TNNI3K: variants seen among roughly 807,000 people sequenced by gnomAD.
TNNI3K encodes the protein TNNI3 interacting kinase.
A neutral mutation model predicts 114.5 loss-of-function variants in TNNI3K; 140 were observed. The observed-to-expected ratio is 1.22, with a 90% CI of 1.07 to 1.41. The LOEUF (loss-of-function observed/expected upper bound fraction) is 1.41, where lower values mean the gene tolerates loss of function less well. Ranked by LOEUF, TNNI3K falls within the 40% of genes most tolerant of loss-of-function variation. The probability of loss-of-function intolerance (pLI) is 0.00; values close to 1 mark genes in which losing one functional copy is unlikely to be tolerated. For missense variants in TNNI3K, 1,125 were observed against 1,007.6 expected (o/e 1.12, Z -1.58); for synonymous variants, 347 against 347.5 (o/e 1.00, Z 0.02).
At chr1:74,520,246 T>C (rs1323873105) in intron 23 of TNNI3K, among the ~76,000 whole-genome samples, 1 of 152,166 alleles carries the variant, frequency 6.6e-6, no homozygotes, top group Admixed American at 6.5e-5. Context: ...AATTCAGTTT[T>C]TCAAAAAATT....
chr1:74,397,871 G>A (rs792694), intron 17 of TNNI3K, among the ~76,000 whole-genome samples: 141,394 of 152,328 alleles, frequency 0.93, 65,640 homozygotes, highest in East Asian at 0.97. Flanking sequence ...TCTGAATTAT[G>A]TAGGCCCTAA....
intron 5 of TNNI3K, among the ~76,000 whole-genome samples, chr1:74,277,708 T>C (rs996969302): frequency 6.6e-6 from 1 of 152,206 alleles, no homozygotes; most frequent in Non-Finnish European, 1.5e-5. Context: ...CGTTGACAAC[T>C]GTTTGAGCAG....
chr1:74,356,232 A>G (rs1001644295), intron 11 of TNNI3K, among the ~76,000 whole-genome samples: 3 of 152,150 alleles, frequency 2.0e-5, no homozygotes, highest in Non-Finnish European at 4.4e-5. Flanking sequence ...ATTGTATAGT[A>G]TAATGTTTTG....
At chr1:74,418,157 C>G (rs545373744) in intron 17 of TNNI3K, 38 of 452,624 alleles carry the variant, frequency 8.4e-5, no homozygotes, top group South Asian at 5.8e-4. Flanking sequence ...CCTTTTCACC[C>G]TCTCCTATAG....
chr1:74,369,233 C>A lies in TNNI3K; in HGVS notation c.1441C>A (p.Arg481=). The change falls in exon 15 of 25, where the codon CGA becomes AGA. Residue 481 remains arginine (R), a synonymous_variant. Coordinates refer to ENST00000326637, the MANE Select transcript of TNNI3K (RefSeq NM_015978.3). The part of the protein sequence containing the change: ...SGSFGKVYKG[R]CRNKIVAIKR... ...TTCTTTTGGGAAAGTATATAAAGGA[C>A]GATGCAGAAATAAAATAGTGGCTAT... is the stretch of plus-strand genomic sequence containing the variant. 1.2e-6 allele frequency: 2 copies of A among 1,611,764 alleles called. No homozygotes were observed. The highest frequency in any genetic ancestry group is 1.7e-6 in the Non-Finnish European group (2 of 1,178,924).
chr1:74,283,746 C>A (rs1657153315), intron 5 of TNNI3K, among the ~76,000 whole-genome samples: 2 of 152,094 alleles, frequency 1.3e-5, no homozygotes, highest in South Asian at 4.1e-4. Context: ...CTTCCAACAT[C>A]CTAGGTCCTC....
intron 23 of TNNI3K, among the ~76,000 whole-genome samples, chr1:74,501,874 T>TTA (rs367958004): frequency 0.015 from 2,173 of 149,736 alleles, 35 homozygotes; most frequent in African/African-American, 0.039. Flanking sequence ...CTTCTGAGGG[T>TTA]TATATATATA....
intron 17 of TNNI3K, among the ~76,000 whole-genome samples, chr1:74,391,735 A>G (rs906470976): frequency 7.9e-5 from 12 of 152,120 alleles, no homozygotes; most frequent in Admixed American, 7.2e-4. Context: ...AGAAAAGAGA[A>G]GAGAAGAGGA....
rs377500605 is a variant in TNNI3K at position 74,544,019 on chromosome 1, C to T, written c.*37C>T. 70 of 1,593,166 alleles carry T rather than the reference C, an allele frequency of 4.4e-5. No homozygotes were observed. The highest frequency in any genetic ancestry group is 1.7e-4 in the Middle Eastern group (1 of 6,024). ...GTATACCTAAGGAGAGTTTTTTCCC[C>T]GAACTGACAGCAACGATTCCAACCA... On this transcript the variant is annotated 3_prime_UTR_variant, in exon 25 of 25. Coordinates refer to ENST00000326637, the MANE Select transcript of TNNI3K (RefSeq NM_015978.3).
chr1:74,351,165 G>C (rs1040834909), intron 9 of TNNI3K, among the ~76,000 whole-genome samples: 1 of 152,020 alleles, frequency 6.6e-6, no homozygotes, highest in African/African-American at 2.4e-5. Flanking sequence ...AGGCCTGGTG[G>C]TGACAAAATC....
chr1:74,523,171 A>G (rs1646457549), intron 23 of TNNI3K, among the ~76,000 whole-genome samples: 1 of 152,194 alleles, frequency 6.6e-6, no homozygotes, highest in Non-Finnish European at 1.5e-5. Flanking sequence ...AAAACAATAT[A>G]TATAATAATA....
intron 17 of TNNI3K, among the ~76,000 whole-genome samples, chr1:74,417,942 G>A (rs1479035464): frequency 6.6e-6 from 1 of 152,038 alleles, no homozygotes; most frequent in Non-Finnish European, 1.5e-5. Flanking sequence ...AGCTCAACAT[G>A]TGTATTGATG....
At chr1:74,262,345 A>T (rs973272158) in intron 4 of TNNI3K, among the ~76,000 whole-genome samples, 2 of 152,108 alleles carry the variant, frequency 1.3e-5, no homozygotes, top group African/African-American at 2.4e-5. Flanking sequence ...ATATCTCCAG[A>T]TATCACCCCT....
At chr1:74,250,828 A>AT in intron 4 of TNNI3K, 59 bp downstream of exon 4, 1 of 902,468 alleles carries the variant, frequency 1.1e-6, no homozygotes. Context: ...GTGTATCTTT[A>AT]GGCTTTTTTT....
chr1:74,396,524 T>A (rs1664089607), intron 17 of TNNI3K, among the ~76,000 whole-genome samples: 1 of 152,208 alleles, frequency 6.6e-6, no homozygotes, highest in African/African-American at 2.4e-5. Context: ...TGAGATAATG[T>A]CAATCATGAA....
chr1:74,469,925 G>A, intron 21 of TNNI3K: 1 of 400,610 alleles, frequency 2.5e-6, no homozygotes. Context: ...GCAGATGGTG[G>A]ATACAGTACA....
At chr1:74,270,904 G>A (rs969483922) in intron 4 of TNNI3K, among the ~76,000 whole-genome samples, 5 of 151,506 alleles carry the variant, frequency 3.3e-5, no homozygotes, top group African/African-American at 1.2e-4. Flanking sequence ...ATTATTTCAT[G>A]TATCTCCAAA....
chr1:74,348,210 A>G (rs1488345158), intron 9 of TNNI3K, among the ~76,000 whole-genome samples: 2 of 152,192 alleles, frequency 1.3e-5, no homozygotes, highest in Non-Finnish European at 2.9e-5. Flanking sequence ...TCACCTTTCT[A>G]CATGTGGCTA....
chr1:74,341,082 T>C (rs889870045), intron 7 of TNNI3K, among the ~76,000 whole-genome samples: 2 of 152,174 alleles, frequency 1.3e-5, no homozygotes, highest in African/African-American at 4.8e-5. Context: ...CCTGTCTAGA[T>C]TGACAAAGTA....
Sources: gnomAD v4.1 joint callset for allele counts (sites outside exome capture counted in the v4.1 genomes callset) on GRCh38, gnomAD v4.1.1 for gene constraint, MANE v1.5 for transcripts, NCBI Gene and HGNC (gene_info 2026-07-23, HGNC 2026-07-21) for gene names.